APOO: variants seen among roughly 807,000 people sequenced by gnomAD.
The protein encoded by APOO is MICOS complex subunit MIC26.
Under a neutral mutation model 23.1 loss-of-function variants are expected in APOO, and 11 were observed. The ratio of observed to expected loss-of-function variants is 0.48; its 90% CI spans 0.30 to 0.79. The LOEUF (loss-of-function observed/expected upper bound fraction) is 0.79, where lower values mean the gene tolerates loss of function less well. Among genes scored for constraint, APOO ranks in the 30% least tolerant of loss-of-function variants. APOO has a pLI of 0.07. For synonymous variants in APOO, 59 were observed against 54.8 expected (o/e 1.08, Z -0.34); for missense variants, 160 against 142.7 (o/e 1.12, Z -0.62).
chrX:23,836,610 G>A, intron 8 of APOO: 1 of 717,095 alleles, frequency 1.4e-6, no homozygotes, highest in Non-Finnish European at 2.0e-6. Flanking sequence ...ACCACGCCCA[G>A]CCCCAGCCTA....
At chrX:23,890,068 T>C (rs1338987002) in intron 1 of APOO, among the ~76,000 whole-genome samples, 1 of 111,760 alleles carries the variant, frequency 8.9e-6, no homozygotes, top group East Asian at 2.8e-4. Flanking sequence ...AGCAAAGTTT[T>C]GAAAACCACC....
At chrX:23,878,875 A>G (rs1925980739) in intron 3 of APOO, 40 bp downstream of exon 3, 1 of 1,197,683 alleles carries the variant, frequency 8.3e-7, no homozygotes, top group South Asian at 1.8e-5. Flanking sequence ...TATGGACTCT[A>G]AACAGAAATG....
At chrX:23,833,780 G>T (rs975412941) in intron 8 of APOO, among the ~76,000 whole-genome samples, 168 bp from the exon 9 acceptor site, 3 of 111,166 alleles carry the variant, frequency 2.7e-5, no homozygotes, top group Non-Finnish European at 5.7e-5. Context: ...TCAGAAGTTC[G>T]AGACCAGCCT....
At chrX:23,899,451 G>C (rs1435077131) in intron 1 of APOO, among the ~76,000 whole-genome samples, 1 of 111,945 alleles carries the variant, frequency 8.9e-6, no homozygotes, top group African/African-American at 3.2e-5. Flanking sequence ...ACTGGCATGA[G>C]GCTATGCAAA....
chrX:23,847,064 A>C (rs1924277867), intron 7 of APOO, among the ~76,000 whole-genome samples: 1 of 111,639 alleles, frequency 9.0e-6, no homozygotes, highest in Non-Finnish European at 1.9e-5. Flanking sequence ...TTCAAGAAGA[A>C]GCCAATAAAC....
chrX:23,862,407 T>C (rs1012129300), intron 5 of APOO, among the ~76,000 whole-genome samples: 2 of 110,889 alleles, frequency 1.8e-5, no homozygotes, highest in Non-Finnish European at 3.8e-5. Context: ...AAGAGACACA[T>C]AGGGTCCTTT....
In APOO at chrX:23,907,774, G is replaced by A. The variant is rs1331990639; in HGVS notation, c.-72C>T. ...CGCCCACTATAGAGAGGTGACTACG[G>A]AGGCCCGGTAGGGCCTTGATTTCTC... On this transcript the variant is annotated 5_prime_UTR_variant, in exon 1 of 9. Transcript: ENST00000379226. 5 of 1,099,777 alleles carry A rather than the reference G, an allele frequency of 4.5e-6. No homozygotes were observed. In the East Asian group the frequency reaches 1.1e-4, roughly 23 times the overall value. 90.6% of individuals were successfully genotyped at this position (1,099,777 alleles called of 1,213,427 possible).
chrX:23,901,323 T>C (rs1362459721), intron 1 of APOO, among the ~76,000 whole-genome samples: 2 of 111,587 alleles, frequency 1.8e-5, no homozygotes, highest in African/African-American at 6.5e-5. Context: ...AGCTGATGAT[T>C]TCCCAATTTC....
rs1432226043 is a variant in APOO, at chrX:23,881,773, C to T, written c.10-821G>A. ...CCAACATAGTGAAATCCCGTCTCTA[C>T]TAAAATTACAAAAAAAAAAAAAAAA... On this transcript the variant is annotated intron_variant, in intron 1 of 8. Coordinates refer to ENST00000379226, the MANE Select transcript of APOO (RefSeq NM_024122.5). Among the ~76,000 whole-genome samples the T allele has an allele frequency of 4.7e-4, 31 of 65,461 alleles. 1 individual carries two copies. Among genetic ancestry groups the T allele is most frequent in the African/African-American group, 3.4e-3 (31 of 9,040 alleles). 56.8% of individuals were successfully genotyped at this position (65,461 alleles called of 115,157 possible).
At chrX:23,837,294 A>T (rs1923735807) in intron 8 of APOO, 3 of 560,187 alleles carry the variant, frequency 5.4e-6, no homozygotes, top group Admixed American at 2.8e-5. Context: ...GAATGTCGAC[A>T]GTCTGATTGC....
chrX:23,886,642 G>A (rs1275888116), intron 1 of APOO, among the ~76,000 whole-genome samples: 3 of 111,127 alleles, frequency 2.7e-5, no homozygotes, highest in African/African-American at 9.8e-5. Flanking sequence ...GGTAGACATG[G>A]CTGAAGCTGA....
rs1923504316 is a variant in APOO, at chrX:23,833,383, T to C, written c.*259A>G. The C allele has an allele frequency of 9.0e-6, 1 of 110,971 alleles. No individual in the cohort carries two copies. Among genetic ancestry groups the C allele is most frequent in the Non-Finnish European group, 1.9e-5 (1 of 52,959 alleles). The allele number at this position is 110,971 out of a possible 1,213,427, so 9.1% of individuals were successfully genotyped here. ...TTTTTTAACTTGGGTTTTAATTAGG[T>C]ACATAAATAGCAACATGAGAATGAG... is the stretch of plus-strand genomic sequence containing the variant. On this transcript the variant is annotated 3_prime_UTR_variant, in exon 9 of 9. Transcript: ENST00000379226.
At chrX:23,837,434 G>C (rs1357023485) in intron 8 of APOO, 1 of 474,697 alleles carries the variant, frequency 2.1e-6, no homozygotes, top group Non-Finnish European at 3.5e-6. Flanking sequence ...TGAAGTGGGA[G>C]GATCACCTAA....
chrX:23,870,438 T>G (rs911491957), intron 4 of APOO, among the ~76,000 whole-genome samples: 1 of 111,819 alleles, frequency 8.9e-6, no homozygotes, highest in African/African-American at 3.2e-5. Context: ...TTGCTTACAC[T>G]TCTGTGTTAT....
chrX:23,892,690 C>G (rs1926715797), intron 1 of APOO, among the ~76,000 whole-genome samples: 1 of 106,227 alleles, frequency 9.4e-6, no homozygotes, highest in Non-Finnish European at 1.9e-5. Context: ...ATGGCGTGAA[C>G]CTGGGAGGTG....
intron 7 of APOO, among the ~76,000 whole-genome samples, chrX:23,852,980 G>A (rs759634670): frequency 1.8e-5 from 2 of 110,286 alleles, no homozygotes; most frequent in South Asian, 3.8e-4. Context: ...AAACAAGGCC[G>A]GGCGTGGTGG....
intron 5 of APOO, among the ~76,000 whole-genome samples, chrX:23,862,358 A>G (rs1225792198): frequency 8.9e-6 from 1 of 112,146 alleles, no homozygotes; most frequent in Non-Finnish European, 1.9e-5. Context: ...AAAGCAAAAA[A>G]AATTCAAAAG....
At chrX:23,889,655 TG>T (rs1290065498) in intron 1 of APOO, among the ~76,000 whole-genome samples, 38 of 92,210 alleles carry the variant, frequency 4.1e-4, no homozygotes, top group Non-Finnish European at 7.2e-4. Context: ...CCTGGGGAGT[TG>T]TTTTTTTTTT....
chrX:23,907,919 G>A lies in APOO; in HGVS notation c.-217C>T. 2 of 386,373 alleles carry A rather than the reference G, an allele frequency of 5.2e-6. No homozygotes were observed. The highest frequency in any genetic ancestry group is 6.4e-5 in the South Asian group (1 of 15,506). The allele number at this position is 386,373 out of a possible 1,213,427, so 31.8% of individuals were successfully genotyped here. ...GCTGAGCCGCAGCGCGTCGCGCCCG[G>A]GCAGCGGGTGAACGCAAACCCCGCC... On this transcript the variant is annotated 5_prime_UTR_variant, in exon 1 of 9. Coordinates refer to ENST00000379226, the MANE Select transcript of APOO (RefSeq NM_024122.5).
Sources: gnomAD v4.1 joint callset for allele counts (sites outside exome capture counted in the v4.1 genomes callset) on GRCh38, gnomAD v4.1.1 for gene constraint, MANE v1.5 for transcripts, NCBI Gene and HGNC (gene_info 2026-07-23, HGNC 2026-07-21) for gene names.